Variants in GPR34 observed in about 807,000 individuals in gnomAD.
The protein encoded by GPR34 is G protein-coupled receptor 34.
In GPR34, 3 loss-of-function variants were observed where a neutral mutation model predicts 14.1. The ratio of observed to expected loss-of-function variants is 0.21; its 90% CI spans 0.10 to 0.55. The LOEUF is 0.55. GPR34 is among the 20% of genes least tolerant of loss of function. The pLI is 0.94. For synonymous variants in GPR34, 99 were observed against 99.9 expected (o/e 0.99, Z 0.05); for missense variants, 213 against 292.8 (o/e 0.73, Z 1.99).
chrX:41,694,213 GCA>G (rs1011930924), intron 2 of GPR34, among the ~76,000 whole-genome samples: 2 of 112,421 alleles, frequency 1.8e-5, no homozygotes, highest in African/African-American at 6.5e-5. Context: ...TTCTTCTTAT[GCA>G]TTTTTCATTT....
intron 2 of GPR34, among the ~76,000 whole-genome samples, chrX:41,695,310 C>CTT (rs1331604938): frequency 9.1e-5 from 8 of 87,711 alleles, no homozygotes; most frequent in South Asian, 1.1e-3. Context: ...TTTACACTGT[C>CTT]TTTTTTTTTT....
chrX:41,696,418 C>G lies in GPR34; in HGVS notation c.785C>G (p.Ala262Gly), dbSNP rs367957485. The change falls in exon 3 of 3, where the codon GCC becomes GGC. Residue 262 changes from alanine to glycine, a missense_variant. Transcript: ENST00000378142. ...RSKFPNSGKYATTARNSFIVL... is the reference protein window; with the variant it reads ...RSKFPNSGKYGTTARNSFIVL... ...AAATTTCCTAATTCTGGTAAATATG[C>G]CACTACAGCTCGTAACTCCTTTATT... 8.5e-7 allele frequency: 1 copy of G among 1,183,277 alleles called. No individual in the cohort carries two copies. Among genetic ancestry groups the G allele is most frequent in the Non-Finnish European group, 1.1e-6 (1 of 878,974 alleles).
At position 41,696,808 on chromosome X, in the gene GPR34, T is replaced by G. The variant is rs1355153697; in HGVS notation, c.*29T>G. The G allele has an allele frequency of 8.4e-6, 8 of 947,415 alleles. No individual in the cohort carries two copies. Among genetic ancestry groups the G allele is most frequent in the Non-Finnish European group, 1.1e-5 (8 of 704,514 alleles). 78.1% of individuals were successfully genotyped at this position (947,415 alleles called of 1,213,427 possible). On this transcript the variant is annotated 3_prime_UTR_variant, in exon 3 of 3. Transcript: ENST00000378142. ...AAACATACTAAAATGAATTATATAA[T>G]GCAGCCTCTTAATTCTTTGAAGAAC...
In GPR34 at chrX:41,692,755, G is replaced by A. The variant is rs183074711; in HGVS notation, c.-79-2800G>A. On this transcript the variant is annotated intron_variant, in intron 2 of 2. Coordinates refer to ENST00000378142, the MANE Select transcript of GPR34 (RefSeq NM_001097579.2). ...ATTCCAGGTGAGACCCTACCAGCCT[G>A]GGACAGAAGCAGCATAGTAGTAACA... Among the ~76,000 whole-genome samples, 142 of 112,014 alleles carry A rather than the reference G, an allele frequency of 1.3e-3. 2 individuals carry two copies. The highest frequency in any genetic ancestry group is 4.5e-3 in the African/African-American group (138 of 30,794).
At chrX:41,691,606 C>G (rs915768851) in intron 2 of GPR34, among the ~76,000 whole-genome samples, 3 of 109,162 alleles carry the variant, frequency 2.7e-5, no homozygotes, top group African/African-American at 1.0e-4. Flanking sequence ...CGCCTGTAAC[C>G]CCAGCACTTT....
Position 41,696,740 on chromosome X carries a change from T to C in GPR34, c.1107T>C (p.Ser369=), listed in dbSNP as rs755191592. ...CAGGATACTCCCTGCATGATACATC[T>C]GTGGCAGTGAAAATACAGTCTAGTT... The part of the protein sequence containing the change: ...FKPGYSLHDT[S]VAVKIQSSSK... Residue 369 remains serine (S), a synonymous_variant, in exon 3 of 3, where the codon TCT becomes TCC. Coordinates refer to ENST00000378142, the MANE Select transcript of GPR34 (RefSeq NM_001097579.2). 8.3e-6 allele frequency: 10 copies of C among 1,199,558 alleles called. No individual in the cohort carries two copies. The Admixed American group carries it at 2.2e-4, about 27-fold the overall frequency.
chrX:41,696,929 T>C lies in GPR34; in HGVS notation c.*150T>C, dbSNP rs1333110405. ...ATTTCATTTGCTTAACTGTAAACCA[T>C]TTCAAGGTACTAACTTTTAAATCTG... On this transcript the variant is annotated 3_prime_UTR_variant, in exon 3 of 3. Coordinates refer to ENST00000378142, the MANE Select transcript of GPR34 (RefSeq NM_001097579.2). 4 of 379,853 alleles carry C rather than the reference T, an allele frequency of 1.1e-5. No individual in the cohort carries two copies. The highest frequency in any genetic ancestry group is 1.8e-5 in the Non-Finnish European group (4 of 218,095). The allele number at this position is 379,853 out of a possible 1,213,427, so 31.3% of individuals were successfully genotyped here.
intron 2 of GPR34, among the ~76,000 whole-genome samples, chrX:41,693,359 A>C (rs1301295645): frequency 2.7e-5 from 3 of 111,615 alleles, no homozygotes; most frequent in African/African-American, 9.8e-5. Flanking sequence ...CACACCTGTA[A>C]TTCCAGCACT....
rs2067678071 is a variant in GPR34, at chrX:41,695,846, G to A, written c.213G>A (p.Gly71=). ...YSVIFIVGLV[G]NIIALYVFLG... ...TTATTTTCATCGTGGGACTGGTTGGGAACATAATCGCCCTCTATGTATTTC... is the reference window on the plus strand; with the variant it reads ...TTATTTTCATCGTGGGACTGGTTGGAAACATAATCGCCCTCTATGTATTTC... Residue 71 remains glycine (G), a synonymous_variant, in exon 3 of 3, where the codon GGG becomes GGA. Transcript: ENST00000378142. 1.7e-6 allele frequency: 2 copies of A among 1,200,424 alleles called. No individual in the cohort carries two copies. Among genetic ancestry groups the A allele is most frequent in the African/African-American group, 3.5e-5 (2 of 56,999 alleles).
chrX:41,693,969 A>G (rs778827872), intron 2 of GPR34, among the ~76,000 whole-genome samples: 2 of 112,141 alleles, frequency 1.8e-5, no homozygotes, highest in East Asian at 2.8e-4. Context: ...TTCTCTGTGT[A>G]TAAGATCAAA....
At position 41,689,011 on chromosome X, in the gene GPR34, A is replaced by T. The variant is rs2067494118; in HGVS notation, c.-246A>T. 1 of 111,434 alleles carries T rather than the reference A, an allele frequency of 9.0e-6. No individual in the cohort carries two copies. Among genetic ancestry groups the T allele is most frequent in the Non-Finnish European group, 1.9e-5 (1 of 52,999 alleles). The allele number at this position is 111,434 out of a possible 1,213,427, so 9.2% of individuals were successfully genotyped here. A position where few individuals can be genotyped will look rare whatever the true frequency, so the allele number is the denominator to read the frequency against. On this transcript the variant is annotated 5_prime_UTR_variant, in exon 1 of 3. The change abolishes the stop of an existing upstream ORF in the 5' untranslated region. Coordinates refer to ENST00000378142, the MANE Select transcript of GPR34 (RefSeq NM_001097579.2). ...ACGACCGGATGGAAGAGCCCAGCTG[A>T]CACAACCAAGACGAGTCTCAGTGTC...
chrX:41,693,201 C>T (rs1345212308), intron 2 of GPR34, among the ~76,000 whole-genome samples: 1 of 111,453 alleles, frequency 9.0e-6, no homozygotes, highest in African/African-American at 3.3e-5. Flanking sequence ...TACATAACCA[C>T]ACAATATAGG....
chrX:41,696,030 C>T lies in GPR34; in HGVS notation c.397C>T (p.Leu133=). 8.3e-7 allele frequency: 1 copy of T among 1,210,100 alleles called. No homozygotes were observed. Among genetic ancestry groups the T allele is most frequent in the Non-Finnish European group, 1.1e-6 (1 of 894,019 alleles). ...GATTCTGTGCAAGGTTGTGGGAACA[C>T]TGTTTTATATGAACATGTACATTAG... ...GVILCKVVGT[L]FYMNMYISII... is the part of the protein sequence containing the mutation. Residue 133 remains leucine (L), a synonymous_variant, in exon 3 of 3, where the codon CTG becomes TTG. Transcript: ENST00000378142.
chrX:41,692,156 G>A (rs991437375), intron 2 of GPR34, among the ~76,000 whole-genome samples: 1 of 112,243 alleles, frequency 8.9e-6, no homozygotes, highest in Admixed American at 9.5e-5. Context: ...TTAACACAGT[G>A]TCTGGTACAC....
In GPR34 at chrX:41,696,619, TG is replaced by T; in HGVS notation, c.987del (p.Met330CysfsTer8). 8.3e-7 allele frequency: 1 copy of T among 1,211,063 alleles called. No homozygotes were observed. Among genetic ancestry groups the T allele is most frequent in the Non-Finnish European group, 1.1e-6 (1 of 894,824 alleles). ...TGCTTAGATCCAGTCATGTATTTCC[TG>T]ATGTCCAGTAACATTCGCAAAATAA... The part of the protein sequence containing the change: ...NSCLDPVMYF[L>X]MSSNIRKIMC... On this transcript the variant is annotated frameshift_variant, in exon 3 of 3. Transcript: ENST00000378142. LOFTEE classifies it high-confidence loss of function.
chrX:41,690,513 ATT>A lies in GPR34; in HGVS notation c.-80+694_-80+695del, dbSNP rs775363462. Among the ~76,000 whole-genome samples, 15 of 91,598 alleles carry A rather than the reference ATT, an allele frequency of 1.6e-4. No homozygotes were observed. The East Asian group carries it at 2.4e-3, about 14-fold the overall frequency. 79.5% of individuals were successfully genotyped at this position (91,598 alleles called of 115,157 possible). On this transcript the variant is annotated intron_variant, in intron 2 of 2. Coordinates refer to ENST00000378142, the MANE Select transcript of GPR34 (RefSeq NM_001097579.2). ...AGGTGCGTGCCACCACGCCCTGCTA[ATT>A]TTTTTTTTTTTTTTTGGTATTTTTT... is the stretch of plus-strand genomic sequence containing the variant.
At chrX:41,693,138 T>A (rs959809434) in intron 2 of GPR34, among the ~76,000 whole-genome samples, 8 of 111,709 alleles carry the variant, frequency 7.2e-5, no homozygotes, top group Admixed American at 9.5e-5. Context: ...ACTTGAGCTC[T>A]CAAAATCACA....
chrX:41,695,343 T>C (rs2067663550), intron 2 of GPR34, among the ~76,000 whole-genome samples: 1 of 101,244 alleles, frequency 9.9e-6, no homozygotes, highest in Admixed American at 1.1e-4. Flanking sequence ...AGAGATGGGG[T>C]CTTGTTCTGT....
rs1286622069 is a variant in GPR34, at chrX:41,689,855, A to C, written c.-80+20A>C. On this transcript the variant is annotated intron_variant, in intron 2 of 2. Transcript: ENST00000378142. ...AAATAGGTATGTATTTCAACATAGC[A>C]ATGTGATATTTTCACAAACATACCC... 1 of 111,944 alleles carries C rather than the reference A, an allele frequency of 8.9e-6. No homozygotes were observed. Among genetic ancestry groups the C allele is most frequent in the East Asian group, 2.8e-4 (1 of 3,596 alleles). 9.2% of individuals were successfully genotyped at this position (111,944 alleles called of 1,213,427 possible).
Sources: gnomAD v4.1 joint callset for allele counts (sites outside exome capture counted in the v4.1 genomes callset) on GRCh38, gnomAD v4.1.1 for gene constraint, MANE v1.5 for transcripts, NCBI Gene and HGNC (gene_info 2026-07-23, HGNC 2026-07-21) for gene names.